Variants in MGAT4C observed in about 807,000 individuals in gnomAD.
MGAT4C encodes the protein alpha-1,3-mannosyl-glycoprotein 4-beta-N-acetylglucosaminyltransferase C.
A neutral mutation model predicts 40.1 loss-of-function variants in MGAT4C; 19 were observed. The ratio of observed to expected loss-of-function variants is 0.47; its 90% confidence interval spans 0.33 to 0.70. The LOEUF (loss-of-function observed/expected upper bound fraction) is 0.70, where lower values mean the gene tolerates loss of function less well. Among genes scored for constraint, MGAT4C ranks in the 30% least tolerant of loss-of-function variants. MGAT4C has a pLI of 0.02. For missense variants in MGAT4C, 491 were observed against 563.2 expected (o/e 0.87, Z 1.30); for synonymous variants, 181 against 187.1 (o/e 0.97, Z 0.27).
intron 1 of MGAT4C, among the ~76,000 whole-genome samples, chr12:86,099,084 T>A (rs839092): frequency 0.58 from 88,147 of 150,956 alleles, 26,108 homozygotes; most frequent in South Asian, 0.72. Flanking sequence ...ATATCAGAAT[T>A]CTCTAATTAT....
chr12:86,770,376 G>T (rs1464191037), intron 1 of MGAT4C, among the ~76,000 whole-genome samples: 1 of 151,924 alleles, frequency 6.6e-6, no homozygotes, highest in Non-Finnish European at 1.5e-5. Flanking sequence ...CTAGAGAGTA[G>T]TGACTACTAA....
Position 85,989,556 on chromosome 12 carries a change from T to C in MGAT4C, c.-6-4A>G. ...GATGAAATTTAAACATTCTCTTCTG[T>C]GGAAAAGAGACACAGAATTACTAGC... On this transcript the variant is annotated splice_region_variant and splice_polypyrimidine_tract_variant and intron_variant, in intron 2 of 4. Transcript: ENST00000611864. 1 of 1,587,294 alleles carries C rather than the reference T, an allele frequency of 6.3e-7. No homozygotes were observed. The highest frequency in any genetic ancestry group is 8.6e-7 in the Non-Finnish European group (1 of 1,168,260).
At chr12:86,765,517 G>C (rs974559827) in intron 1 of MGAT4C, among the ~76,000 whole-genome samples, 2 of 151,978 alleles carry the variant, frequency 1.3e-5, no homozygotes, top group Admixed American at 1.3e-4. Context: ...TATAGAGAAC[G>C]CCACAAAGAT....
intron 3 of MGAT4C, among the ~76,000 whole-genome samples, chr12:86,434,319 A>C (rs899187445): frequency 3.3e-5 from 5 of 152,006 alleles, no homozygotes; most frequent in Admixed American, 2.6e-4. Flanking sequence ...GAAAATTAAA[A>C]GCTATAAATT....
At chr12:86,097,113 A>G (rs1874076852) in intron 1 of MGAT4C, among the ~76,000 whole-genome samples, 1 of 151,748 alleles carries the variant, frequency 6.6e-6, no homozygotes, top group Admixed American at 6.6e-5. Flanking sequence ...TATTATCTCC[A>G]GCTGGCATGT....
chr12:86,493,561 A>G (rs1958179007), intron 2 of MGAT4C, among the ~76,000 whole-genome samples: 3 of 148,840 alleles, frequency 2.0e-5, no homozygotes, highest in African/African-American at 7.5e-5. Context: ...AAAACCAAAC[A>G]CTGCATTTTC....
At position 86,524,938 on chromosome 12, in the gene MGAT4C, T is replaced by C. The variant is rs143614043; in HGVS notation, c.-228-89673A>G. Among the ~76,000 whole-genome samples the C allele has an allele frequency of 3.2e-4, 48 of 152,348 alleles. No individual in the cohort carries two copies. The East Asian group carries it at 8.3e-3, about 26-fold the overall frequency. ...AGATCAGTTACATTGTTTTCTATAA[T>C]GGTTATTTTGTCCTTCAGCTTCTAC... On this transcript the variant is annotated intron_variant, in intron 2 of 7. Transcript: ENST00000548651.
chr12:86,197,433 G>A (rs1276429628), intron 1 of MGAT4C, among the ~76,000 whole-genome samples: 1 of 152,034 alleles, frequency 6.6e-6, no homozygotes, highest in Non-Finnish European at 1.5e-5. Context: ...GGATCTTTGG[G>A]AGGCAATTAG....
intron 2 of MGAT4C, among the ~76,000 whole-genome samples, chr12:86,026,390 A>G (rs966084860): frequency 1.2e-4 from 18 of 151,668 alleles, no homozygotes; most frequent in African/African-American, 4.4e-4. Flanking sequence ...TAAAAATAAC[A>G]CATACGTTGA....
At chr12:86,346,876 A>G (rs1955045854) in intron 3 of MGAT4C, among the ~76,000 whole-genome samples, 1 of 152,188 alleles carries the variant, frequency 6.6e-6, no homozygotes, top group Non-Finnish European at 1.5e-5. Context: ...AAGTGGAAAA[A>G]GGTGGAATAA....
intron 1 of MGAT4C, among the ~76,000 whole-genome samples, chr12:86,728,685 C>T (rs900065826): frequency 2.6e-5 from 4 of 152,052 alleles, no homozygotes; most frequent in South Asian, 4.2e-4. Context: ...AGTGAGACTC[C>T]GTCTCAAAAG....
intron 1 of MGAT4C, among the ~76,000 whole-genome samples, chr12:86,194,946 A>AAC (rs1949743159): frequency 1.3e-5 from 2 of 152,174 alleles, no homozygotes; most frequent in South Asian, 4.1e-4. Flanking sequence ...GAAACTGGCA[A>AAC]ACCTCCATTC....
intron 2 of MGAT4C, among the ~76,000 whole-genome samples, chr12:86,565,115 C>G (rs1201352974): frequency 6.6e-6 from 1 of 152,170 alleles, no homozygotes; most frequent in African/African-American, 2.4e-5. Flanking sequence ...TCATCAAAGT[C>G]ACCATGTGAC....
intron 2 of MGAT4C, among the ~76,000 whole-genome samples, chr12:86,689,065 T>A (rs1379248363): frequency 6.6e-6 from 1 of 152,200 alleles, no homozygotes; most frequent in Non-Finnish European, 1.5e-5. Flanking sequence ...TCTCTAATCT[T>A]GTCTTCACAC....
intron 2 of MGAT4C, among the ~76,000 whole-genome samples, chr12:86,680,143 T>G (rs1949953423): frequency 6.6e-6 from 1 of 152,012 alleles, no homozygotes; most frequent in Non-Finnish European, 1.5e-5. Context: ...ATGTTAAAGA[T>G]TATTTGACAC....
intron 2 of MGAT4C, among the ~76,000 whole-genome samples, chr12:86,590,355 C>G (rs1961276425): frequency 6.6e-6 from 1 of 151,532 alleles, no homozygotes; most frequent in Admixed American, 6.6e-5. Flanking sequence ...CCCTGTCTTT[C>G]TGCTTTCAAC....
At chr12:86,377,084 G>T (rs1366104354) in intron 3 of MGAT4C, among the ~76,000 whole-genome samples, 2 of 145,082 alleles carry the variant, frequency 1.4e-5, no homozygotes, top group African/African-American at 2.6e-5. Flanking sequence ...TTTTGACATG[G>T]AGTTTCGCTC....
At chr12:86,612,580 T>A (rs1170460388) in intron 2 of MGAT4C, among the ~76,000 whole-genome samples, 1 of 151,802 alleles carries the variant, frequency 6.6e-6, no homozygotes, top group Non-Finnish European at 1.5e-5. Context: ...TGAAACCCCG[T>A]CTTTACTAAA....
chr12:86,377,259 A>G (rs1313288870), intron 3 of MGAT4C, among the ~76,000 whole-genome samples: 4 of 151,942 alleles, frequency 2.6e-5, no homozygotes, highest in Admixed American at 6.6e-5. Flanking sequence ...GGATTTCTCT[A>G]TCTTGGTCAG....
Sources: gnomAD v4.1 joint callset for allele counts (sites outside exome capture counted in the v4.1 genomes callset) on GRCh38, gnomAD v4.1.1 for gene constraint, MANE v1.5 for transcripts, NCBI Gene and HGNC (gene_info 2026-07-23, HGNC 2026-07-21) for gene names.